Variants in DUSP18 observed in about 807,000 individuals in gnomAD.
DUSP18 encodes dual specificity protein phosphatase 18.
DUSP18 carries 4 observed loss-of-function variants against 6.3 expected under a neutral mutation model. That is an observed-to-expected ratio of 0.63 (90% CI 0.31 to 1.45). The LOEUF (loss-of-function observed/expected upper bound fraction) is 1.45. Among genes scored for constraint, DUSP18 ranks in the 40% most tolerant of loss-of-function variants. DUSP18 has a pLI of 0.07. For missense variants in DUSP18, 235 were observed against 247.7 expected (o/e 0.95, Z 0.34); for synonymous variants, 96 against 95.1 (o/e 1.01, Z -0.05).
chr22:30,660,027 A>G (rs939726375), downstream of DUSP18, among the ~76,000 whole-genome samples: 4 of 152,206 alleles, frequency 2.6e-5, no homozygotes, highest in African/African-American at 7.2e-5. Context: ...CTACCCTGCA[A>G]CTGCAATACA....
chr22:30,657,578 G>C (rs1441834244), downstream of DUSP18, among the ~76,000 whole-genome samples: 4 of 151,864 alleles, frequency 2.6e-5, no homozygotes, highest in African/African-American at 9.7e-5. Flanking sequence ...GGGAAATATG[G>C]TGAGACGCTG....
chr22:30,667,264 T>C (rs1181169689), intron 1 of DUSP18, 198 bp downstream of exon 1: 1 of 152,250 alleles, frequency 6.6e-6, no homozygotes, highest in Non-Finnish European at 1.5e-5. Context: ...CCGACCTTTA[T>C]GGTCCATTAT....
chr22:30,663,981 A>G lies in DUSP18; in HGVS notation c.23T>C (p.Phe8Ser), dbSNP rs528509753. 4 of 1,613,818 alleles carry G rather than the reference A, an allele frequency of 2.5e-6. No individual in the cohort carries two copies. In the African/African-American group the frequency reaches 5.3e-5, roughly 22 times the overall value. MTAPSCA[F>S]PVQFRQPSVS... ...TGAGGGCTGCCGGAACTGAACTGGG[A>G]AGGCACACGAGGGTGCTGTCATCAA... is the stretch of plus-strand genomic sequence containing the variant. Residue 8 changes from phenylalanine (F) to serine (S), a missense_variant, in exon 2 of 2, where the codon TTC becomes TCC. Transcript: ENST00000334679.
At chr22:30,656,953 T>G (rs2088349877), downstream of DUSP18, among the ~76,000 whole-genome samples, 1 of 151,382 alleles carries the variant, frequency 6.6e-6, no homozygotes, top group South Asian at 2.1e-4. Context: ...CATCTCTATT[T>G]TGTATAAAAA....
chr22:30,654,601 G>T, intron 2 of DUSP18: 1 of 465,132 alleles, frequency 2.1e-6, no homozygotes, highest in Non-Finnish European at 4.3e-6. Flanking sequence ...AGTGGTGGGG[G>T]CCCAGAAGTG....
chr22:30,665,323 T>C (rs2088609315), intron 1 of DUSP18, among the ~76,000 whole-genome samples: 1 of 152,230 alleles, frequency 6.6e-6, no homozygotes, highest in Non-Finnish European at 1.5e-5. Context: ...CAAGGCCATT[T>C]GTGACCTGGC....
intron 1 of DUSP18, 44 bp downstream of exon 1, chr22:30,667,418 T>A (rs1442147330): frequency 2.6e-5 from 4 of 152,198 alleles, no homozygotes; most frequent in Non-Finnish European, 4.4e-5. Flanking sequence ...GGCATTGGAA[T>A]AGGCTTCTTC....
chr22:30,655,657 A>T (rs746978336), intron 2 of DUSP18, among the ~76,000 whole-genome samples: 2 of 152,182 alleles, frequency 1.3e-5, no homozygotes, highest in African/African-American at 4.8e-5. Flanking sequence ...CAGCATAAAC[A>T]TGATGATGGA....
chr22:30,657,274 AAAAC>A (rs752283558), downstream of DUSP18, among the ~76,000 whole-genome samples: 2,006 of 51,042 alleles, frequency 0.039, 21 homozygotes, highest in East Asian at 0.082. Context: ...GTCTCTACTA[AAAAC>A]ACACACACAC....
chr22:30,656,336 TC>T (rs1285676348), intron 2 of DUSP18, among the ~76,000 whole-genome samples: 2 of 152,198 alleles, frequency 1.3e-5, no homozygotes, highest in African/African-American at 4.8e-5. Flanking sequence ...TGCTTCAAGG[TC>T]AAGAGCTACC....
Position 30,662,631 on chromosome 22 carries a change from A to T in DUSP18, c.*806T>A, listed in dbSNP as rs1313399124. On this transcript the variant is annotated 3_prime_UTR_variant, in exon 2 of 2. Coordinates refer to ENST00000334679, the MANE Select transcript of DUSP18 (RefSeq NM_152511.5). ...TGCTTGAGGCCAGGAGTTTGAGACC[A>T]GTCTGGGCGACATAGTAAAATCTCA... is the stretch of plus-strand genomic sequence containing the variant. 2.0e-5 allele frequency: 3 copies of T among 152,154 alleles called. No individual in the cohort carries two copies. Among genetic ancestry groups the T allele is most frequent in the Non-Finnish European group, 4.4e-5 (3 of 68,050 alleles). 9.4% of individuals were successfully genotyped at this position (152,154 alleles called of 1,614,324 possible).
chr22:30,661,209 A>G (rs2088456537), downstream of DUSP18, among the ~76,000 whole-genome samples: 2 of 152,254 alleles, frequency 1.3e-5, no homozygotes, highest in South Asian at 4.1e-4. Flanking sequence ...CCCCCCCGCC[A>G]AGTGAAATAT....
intron 2 of DUSP18, among the ~76,000 whole-genome samples, chr22:30,656,070 C>T (rs1417750251): frequency 1.3e-5 from 2 of 151,924 alleles, no homozygotes; most frequent in African/African-American, 4.8e-5. Context: ...CCTCCTTGGG[C>T]TCAAGCGATC....
At chr22:30,657,295 ACACAC>A (rs756616243), downstream of DUSP18, among the ~76,000 whole-genome samples, 1,684 of 151,050 alleles carry the variant, frequency 0.011, 16 homozygotes, top group South Asian at 0.033. Context: ...ACACACACAC[ACACAC>A]ACACACAAAT....
chr22:30,660,971 G>A (rs959690171), downstream of DUSP18, among the ~76,000 whole-genome samples: 3 of 151,696 alleles, frequency 2.0e-5, no homozygotes, highest in Non-Finnish European at 2.9e-5. Context: ...TCTAATCTCA[G>A]TAGCTGGGAT....
At chr22:30,654,651 G>T in intron 2 of DUSP18, 1 of 451,416 alleles carries the variant, frequency 2.2e-6, no homozygotes, top group South Asian at 1.7e-5. Flanking sequence ...TCCACTTGTG[G>T]AGGAAGGCCA....
chr22:30,655,001 C>A (rs745616457), intron 2 of DUSP18, among the ~76,000 whole-genome samples: 1 of 152,156 alleles, frequency 6.6e-6, no homozygotes, highest in Non-Finnish European at 1.5e-5. Context: ...AGAACCAAGA[C>A]GACCTTGTGC....
At chr22:30,653,985 GT>G (rs71814511) in intron 2 of DUSP18, 117 of 143,438 alleles carry the variant, frequency 8.2e-4, no homozygotes, top group South Asian at 1.9e-3. Flanking sequence ...TTGTTTTTTT[GT>G]TTTTTTTTTT....
At chr22:30,655,441 A>G (rs1355449281) in intron 2 of DUSP18, among the ~76,000 whole-genome samples, 2 of 151,510 alleles carry the variant, frequency 1.3e-5, no homozygotes, top group Non-Finnish European at 2.9e-5. Flanking sequence ...AAAAAAAAAA[A>G]AAAAAAAGAA....
Sources: allele counts gnomAD v4.1 joint callset (sites outside exome capture counted in the v4.1 genomes callset), GRCh38; gene constraint gnomAD v4.1.1; transcripts MANE v1.5; gene names NCBI Gene and HGNC (gene_info 2026-07-23, HGNC 2026-07-21).